Variants in LCORL observed in about 807,000 individuals in gnomAD.
LCORL encodes the protein ligand dependent nuclear receptor corepressor like.
In LCORL, 41 loss-of-function variants were observed where a neutral mutation model predicts 141.8. That is an observed-to-expected ratio of 0.29 (90% CI 0.23 to 0.38). LCORL has a LOEUF of 0.38. Among genes scored for constraint, LCORL ranks in the 10% least tolerant of loss-of-function variants. LCORL has a pLI of 1.00. For missense variants in LCORL, 1,759 were observed against 2,035.0 expected (o/e 0.86, Z 2.61); for synonymous variants, 618 against 694.1 (o/e 0.89, Z 1.72).
At chr4:17,977,693 G>A (rs1276398497) in intron 1 of LCORL, among the ~76,000 whole-genome samples, 1 of 152,082 alleles carries the variant, frequency 6.6e-6, no homozygotes, top group East Asian at 1.9e-4. Context: ...TATATGTTGT[G>A]AATATTTCTC....
chr4:17,927,815 G>A (rs111976070), intron 4 of LCORL, among the ~76,000 whole-genome samples: 1,673 of 152,290 alleles, frequency 0.011, 22 homozygotes, highest in Non-Finnish European at 0.016. Flanking sequence ...AAAAAAGTTT[G>A]AAATATTGTG....
intron 1 of LCORL, among the ~76,000 whole-genome samples, chr4:18,005,683 G>A (rs1486969011): frequency 6.6e-6 from 1 of 152,206 alleles, no homozygotes; most frequent in Non-Finnish European, 1.5e-5. Context: ...GGTGGAAGCT[G>A]CAAAGGCTTG....
intron 7 of LCORL, among the ~76,000 whole-genome samples, chr4:17,852,467 G>A (rs893876851): frequency 1.3e-5 from 2 of 152,156 alleles, no homozygotes; most frequent in East Asian, 3.9e-4. Context: ...CAATTAGCAT[G>A]CTTTAAAAAC....
intron 4 of LCORL, among the ~76,000 whole-genome samples, chr4:17,922,903 G>A (rs952444399): frequency 1.3e-5 from 2 of 152,142 alleles, no homozygotes; most frequent in Admixed American, 6.5e-5. Context: ...AACCTGGGCA[G>A]CCATCAGCAT....
chr4:17,977,861 A>G (rs1717266277), intron 1 of LCORL, among the ~76,000 whole-genome samples: 1 of 152,150 alleles, frequency 6.6e-6, no homozygotes, highest in African/African-American at 2.4e-5. Context: ...CTTTCTCCTA[A>G]AAGTTATAGA....
At chr4:17,979,384 A>T (rs2109710111) in intron 1 of LCORL, among the ~76,000 whole-genome samples, 1 of 152,256 alleles carries the variant, frequency 6.6e-6, no homozygotes, top group South Asian at 2.1e-4. Flanking sequence ...AAACTCTATT[A>T]CTTCCTCATG....
Position 17,878,403 on chromosome 4 carries a change from G to A in LCORL, c.777-190C>T, listed in dbSNP as rs150585624. Among the ~76,000 whole-genome samples the A allele has an allele frequency of 3.3e-3, 499 of 151,460 alleles. 4 individuals are homozygous for A. The highest frequency in any genetic ancestry group is 0.011 in the African/African-American group (468 of 41,444). ...GAAGCACTGATAATTAATTTCCTATGACAAAGTATAAGTCAAAGCAAAGCC... is the reference window on the plus strand; with the variant it reads ...GAAGCACTGATAATTAATTTCCTATAACAAAGTATAAGTCAAAGCAAAGCC... On this transcript the variant is annotated intron_variant, in intron 6 of 7. Coordinates refer to ENST00000635767, the Ensembl canonical transcript of LCORL.
At position 18,021,042 on chromosome 4, in the gene LCORL, G is replaced by A. The variant is rs1422120206; in HGVS notation, c.154+556C>T. 6.6e-6 allele frequency among the ~76,000 whole-genome samples: 1 copy of A among 152,072 alleles called. No homozygotes were observed. Among genetic ancestry groups the A allele is most frequent in the Non-Finnish European group, 1.5e-5 (1 of 67,956 alleles). On this transcript the variant is annotated intron_variant, in intron 1 of 7. Coordinates refer to ENST00000635767, the Ensembl canonical transcript of LCORL. The surrounding 1 kb of genome is among the most constrained non-coding windows in gnomAD (Gnocchi z 5.5). ...CCCCGCCGCCCCTCGCCCCCAGCCG[G>A]CCCATCAGCGGCCCCCGCCCTGCGA...
At chr4:17,843,424 A>G in exon 8 of LCORL, 2 of 1,610,894 alleles carry the variant, frequency 1.2e-6, no homozygotes, top group South Asian at 2.2e-5. Context: ...GATCTAAGTT[A>G]GGAAAGACGA....
intron 1 of LCORL, among the ~76,000 whole-genome samples, chr4:18,016,557 T>C (rs1201244123): frequency 1.1e-4 from 17 of 152,152 alleles, no homozygotes; most frequent in Admixed American, 9.8e-4. Context: ...TACATGTGAC[T>C]ATTAAGCCAC....
rs1418796862 is a variant in LCORL, at chr4:17,842,115, T to TAAG, written c.*3770_*3772dup. Reference sequence around the variant, plus strand: ...CATTATTAGTGCTTACAAAATAAATTAAGTTTTAATCTTGCTTGGGTTCCT... The same window carrying TAAG: ...CATTATTAGTGCTTACAAAATAAATTAAGAAGTTTTAATCTTGCTTGGGTTCCT... On this transcript the variant is annotated 3_prime_UTR_variant, in exon 8 of 8. Coordinates refer to ENST00000635767, the Ensembl canonical transcript of LCORL. 7 of 517,494 alleles carry TAAG rather than the reference T, an allele frequency of 1.4e-5. No individual in the cohort carries two copies. In the East Asian group the frequency reaches 2.2e-4, roughly 16 times the overall value. 32.1% of individuals were successfully genotyped at this position (517,494 alleles called of 1,614,324 possible). A position where few individuals can be genotyped will look rare whatever the true frequency, so the allele number is the denominator to read the frequency against.
intron 7 of LCORL, among the ~76,000 whole-genome samples, chr4:17,850,856 T>C (rs1560249144): frequency 6.6e-6 from 1 of 151,484 alleles, no homozygotes; most frequent in Non-Finnish European, 1.5e-5. Flanking sequence ...CTATTCACAA[T>C]AGCAAAGACT....
chr4:17,907,607 A>AT (rs1731845244), intron 5 of LCORL, among the ~76,000 whole-genome samples: 1 of 152,022 alleles, frequency 6.6e-6, no homozygotes, highest in African/African-American at 2.4e-5. Flanking sequence ...AAGTACTGAT[A>AT]TTTTTTTCCT....
intron 7 of LCORL, among the ~76,000 whole-genome samples, chr4:17,872,739 T>C (rs1726498677): frequency 6.6e-6 from 1 of 152,160 alleles, no homozygotes; most frequent in Non-Finnish European, 1.5e-5. Context: ...CATCTTTATA[T>C]CTGTGGAAAT....
chr4:17,864,889 T>A (rs970337753), intron 7 of LCORL, among the ~76,000 whole-genome samples: 1 of 152,308 alleles, frequency 6.6e-6, no homozygotes, highest in Non-Finnish European at 1.5e-5. Flanking sequence ...GTAAGGAACA[T>A]TTCCAGGATT....
At chr4:17,998,678 T>C (rs1560463208) in intron 1 of LCORL, among the ~76,000 whole-genome samples, 2 of 151,864 alleles carry the variant, frequency 1.3e-5, no homozygotes, top group African/African-American at 4.8e-5. Flanking sequence ...ATAAAAACTA[T>C]AGTACATGTT....
intron 1 of LCORL, among the ~76,000 whole-genome samples, chr4:17,982,946 G>A (rs1390333885): frequency 1.3e-5 from 2 of 152,142 alleles, no homozygotes; most frequent in East Asian, 3.8e-4. Context: ...TTTGTATAAG[G>A]TATAAGGAAG....
chr4:17,877,530 T>C (rs1441551502), exon 7 of LCORL: 33 of 1,230,384 alleles, frequency 2.7e-5, no homozygotes, highest in South Asian at 4.1e-5. Context: ...ATCACTCTTA[T>C]TGCTGCTGAT....
At chr4:17,917,174 C>T (rs1340028705) in intron 4 of LCORL, among the ~76,000 whole-genome samples, 3 of 151,008 alleles carry the variant, frequency 2.0e-5, no homozygotes, top group African/African-American at 4.9e-5. Flanking sequence ...GGTTTCACCA[C>T]GTTGGCCAGG....
Sources: allele counts gnomAD v4.1 joint callset (sites outside exome capture counted in the v4.1 genomes callset), GRCh38; gene constraint gnomAD v4.1.1; non-coding constraint Gnocchi (gnomAD v3.1); transcripts MANE v1.5; gene names NCBI Gene and HGNC (gene_info 2026-07-23, HGNC 2026-07-21).